The following AUTS2 variants were observed in gnomAD, a reference collection of about 807,000 sequenced individuals.
AUTS2 encodes autism susceptibility gene 2 protein.
A neutral mutation model predicts 112.4 loss-of-function variants in AUTS2; 17 were observed. That is an observed-to-expected ratio of 0.15 (90% CI 0.10 to 0.23). The LOEUF (loss-of-function observed/expected upper bound fraction) is 0.23, where lower values mean the gene tolerates loss of function less well. Among genes scored for constraint, AUTS2 ranks in the 10% least tolerant of loss-of-function variants. The pLI is 1.00. For synonymous variants in AUTS2, 751 were observed against 702.7 expected (o/e 1.07, Z -1.09); for missense variants, 1,510 against 1,701.6 (o/e 0.89, Z 1.98).
intron 4 of AUTS2, among the ~76,000 whole-genome samples, chr7:70,281,433 C>G (rs947058969): frequency 6.6e-6 from 1 of 152,210 alleles, no homozygotes; most frequent in Non-Finnish European, 1.5e-5. Context: ...TTGATCGTCT[C>G]TTGGTGAAGA....
At chr7:69,746,856 A>T (rs1787519289) in intron 1 of AUTS2, among the ~76,000 whole-genome samples, 1 of 151,644 alleles carries the variant, frequency 6.6e-6, no homozygotes, top group African/African-American at 2.4e-5. Flanking sequence ...GTGGGGGGAA[A>T]CTCAGATCTT....
intron 1 of AUTS2, among the ~76,000 whole-genome samples, chr7:69,669,237 TG>T (rs780144362): frequency 2.0e-5 from 3 of 152,168 alleles, no homozygotes; most frequent in Non-Finnish European, 2.9e-5. Context: ...GCAATTTTTT[TG>T]GACATGTATC....
chr7:70,210,632 T>G (rs1328967655), intron 4 of AUTS2, among the ~76,000 whole-genome samples: 1 of 152,170 alleles, frequency 6.6e-6, no homozygotes, highest in Non-Finnish European at 1.5e-5. Flanking sequence ...GAAAGGGTCC[T>G]TTGTCTTTTT....
intron 1 of AUTS2, among the ~76,000 whole-genome samples, chr7:69,750,392 TTATATTAGTA>T (rs1443442456): frequency 2.7e-5 from 4 of 148,582 alleles, no homozygotes; most frequent in African/African-American, 4.9e-5. Context: ...TATTATACTA[TTATATTAGTA>T]TATATTAGTA....
intron 5 of AUTS2, among the ~76,000 whole-genome samples, chr7:70,648,261 CCA>C (rs1438289653): frequency 6.6e-6 from 1 of 152,130 alleles, no homozygotes; most frequent in Non-Finnish European, 1.5e-5. Flanking sequence ...CACCAGACTA[CCA>C]CAGTTTCCTG....
At chr7:70,604,215 C>T (rs38305) in intron 5 of AUTS2, among the ~76,000 whole-genome samples, 68,895 of 152,044 alleles carry the variant, frequency 0.45, 16,187 homozygotes, top group Non-Finnish European at 0.49. Flanking sequence ...TTTTTATATC[C>T]GCACAGATTA....
intron 1 of AUTS2, among the ~76,000 whole-genome samples, chr7:69,649,054 A>G (rs933372810): frequency 2.0e-5 from 3 of 152,142 alleles, no homozygotes; most frequent in African/African-American, 7.2e-5. Context: ...AATGAACAAG[A>G]CTGGAGACCA....
chr7:70,162,262 C>T lies in AUTS2; in HGVS notation c.660+27691C>T, dbSNP rs926435733. On this transcript the variant is annotated intron_variant, in intron 4 of 18. Coordinates refer to ENST00000342771, the MANE Select transcript of AUTS2 (RefSeq NM_015570.4). ...GAGATCGAGACCATCCCGGCTAAAA[C>T]GGTGAAACCCCGTCTCTACTAAAAA... Among the ~76,000 whole-genome samples the T allele has an allele frequency of 6.0e-4, 90 of 150,386 alleles. 1 individual carries two copies. Among genetic ancestry groups the T allele is most frequent in the Admixed American group, 1.5e-3 (23 of 15,118 alleles).
intron 1 of AUTS2, among the ~76,000 whole-genome samples, chr7:69,777,062 C>A (rs1788929472): frequency 6.6e-6 from 1 of 152,184 alleles, no homozygotes; most frequent in African/African-American, 2.4e-5. Flanking sequence ...AATTGTCCTT[C>A]TGTGGTTAGA....
intron 4 of AUTS2, among the ~76,000 whole-genome samples, chr7:70,251,124 G>T (rs999548649): frequency 6.6e-6 from 1 of 151,958 alleles, no homozygotes; most frequent in Admixed American, 6.6e-5. Flanking sequence ...GAGTGCACTG[G>T]CACAATCTTG....
intron 1 of AUTS2, among the ~76,000 whole-genome samples, chr7:69,622,563 A>G (rs1793725892): frequency 6.6e-6 from 1 of 152,200 alleles, no homozygotes; most frequent in East Asian, 1.9e-4. Flanking sequence ...TGATAATGAA[A>G]ATAGGGAAAG....
intron 4 of AUTS2, among the ~76,000 whole-genome samples, chr7:70,268,001 C>T (rs1056940517): frequency 1.9e-4 from 29 of 152,096 alleles, no homozygotes; most frequent in Non-Finnish European, 3.7e-4. Context: ...TTATCAATTC[C>T]TCTAATTAGG....
At chr7:70,300,890 A>AT in intron 4 of AUTS2, among the ~76,000 whole-genome samples, 3 of 152,314 alleles carry the variant, frequency 2.0e-5, no homozygotes, top group Non-Finnish European at 4.4e-5. Context: ...TATTGCATAG[A>AT]TTGTAAGGGC....
intron 2 of AUTS2, among the ~76,000 whole-genome samples, chr7:69,900,949 C>T (rs1794945189): frequency 1.3e-5 from 2 of 152,136 alleles, no homozygotes; most frequent in South Asian, 4.2e-4. Flanking sequence ...AACAACCCTG[C>T]CTAGTAGGTA....
intron 5 of AUTS2, among the ~76,000 whole-genome samples, chr7:70,548,495 C>G (rs1485029769): frequency 6.6e-6 from 1 of 152,038 alleles, no homozygotes; most frequent in East Asian, 1.9e-4. Context: ...TTTGCCTAAC[C>G]TAAGGTCACA....
intron 6 of AUTS2, among the ~76,000 whole-genome samples, chr7:70,754,000 C>CAA (rs1176340028): frequency 2.1e-5 from 3 of 142,182 alleles, no homozygotes; most frequent in African/African-American, 7.7e-5. Flanking sequence ...ATTAAAAATA[C>CAA]AAAAAAAAAA....
chr7:70,784,935 T>A lies in AUTS2; in HGVS notation c.2147-7T>A, dbSNP rs1222011523. Reference sequence around the variant, plus strand: ...AAACTCTGGTTTCGTTATGTTTGACTTAACAGGTGCTGCACACCCAACTGG... The same window carrying A: ...AAACTCTGGTTTCGTTATGTTTGACATAACAGGTGCTGCACACCCAACTGG... On this transcript the variant is annotated splice_region_variant and splice_polypyrimidine_tract_variant and intron_variant, in intron 15 of 18. Transcript: ENST00000342771. 2 of 1,613,950 alleles carry A rather than the reference T, an allele frequency of 1.2e-6. No individual in the cohort carries two copies. Among genetic ancestry groups the A allele is most frequent in the South Asian group, 2.2e-5 (2 of 91,080 alleles).
intron 4 of AUTS2, among the ~76,000 whole-genome samples, chr7:70,136,003 A>T (rs2129574986): frequency 6.6e-6 from 1 of 152,248 alleles, no homozygotes; most frequent in East Asian, 1.9e-4. Context: ...TCTGTACTGA[A>T]CATTCTAGTA....
chr7:69,885,863 T>C (rs1182041564), intron 1 of AUTS2, among the ~76,000 whole-genome samples: 4 of 152,252 alleles, frequency 2.6e-5, no homozygotes, highest in Non-Finnish European at 5.9e-5. Flanking sequence ...CCTCGCTTTA[T>C]ATTCAGAAAT....
Sources: gnomAD v4.1 joint callset for allele counts (sites outside exome capture counted in the v4.1 genomes callset) on GRCh38, gnomAD v4.1.1 for gene constraint, MANE v1.5 for transcripts, NCBI Gene and HGNC (gene_info 2026-07-23, HGNC 2026-07-21) for gene names.